The following STIM2 variants were observed in gnomAD, a reference collection of about 807,000 sequenced individuals.
STIM2 encodes stromal interaction molecule 2.
A neutral mutation model predicts 85.8 loss-of-function variants in STIM2; 31 were observed. That is an observed-to-expected ratio of 0.36 (90% CI 0.27 to 0.49). The LOEUF is 0.49. Among genes scored for constraint, STIM2 ranks in the 20% least tolerant of loss-of-function variants. STIM2 has a pLI of 0.98. For synonymous variants in STIM2, 356 were observed against 331.1 expected, an observed-to-expected ratio of 1.08 and a Z score of -0.82; for missense variants, 841 against 927.6, an observed-to-expected ratio of 0.91 and a Z score of 1.21.
intron 2 of STIM2, among the ~76,000 whole-genome samples, chr4:26,936,284 T>C (rs1725389303): frequency 1.3e-5 from 2 of 152,256 alleles, no homozygotes; most frequent in South Asian, 2.1e-4. Context: ...TGGAGTTTCT[T>C]CTCTGTCTCT....
intron 2 of STIM2, among the ~76,000 whole-genome samples, chr4:26,950,150 A>G (rs1725991625): frequency 6.6e-6 from 1 of 152,150 alleles, no homozygotes; most frequent in Non-Finnish European, 1.5e-5. Context: ...ACTTAATTAG[A>G]GCTCTAGTAT....
At position 26,877,587 on chromosome 4, in the gene STIM2, G is replaced by A. The variant is rs78824036; in HGVS notation, c.151+16218G>A. Among the ~76,000 whole-genome samples, 623 of 151,196 alleles carry A rather than the reference G, an allele frequency of 4.1e-3. 7 individuals are homozygous for A. Among genetic ancestry groups the A allele is most frequent in the African/African-American group, 0.014 (583 of 41,150 alleles). On this transcript the variant is annotated intron_variant, in intron 1 of 11. Transcript: ENST00000467087. ...TAGAAGAACCTGTGTCTAGAAATGC[G>A]TATACCTCCTCTGTCACACTGTTGG...
chr4:26,867,174 T>A (rs1274902290), intron 1 of STIM2, among the ~76,000 whole-genome samples: 1 of 152,208 alleles, frequency 6.6e-6, no homozygotes, highest in Non-Finnish European at 1.5e-5. Flanking sequence ...GGAATCTGGC[T>A]ATTTATATGA....
At chr4:27,000,915 C>T (rs1728129832) in intron 5 of STIM2, among the ~76,000 whole-genome samples, 1 of 151,796 alleles carries the variant, frequency 6.6e-6, no homozygotes, top group South Asian at 2.1e-4. Flanking sequence ...ATAGGGCTCA[C>T]AGTTGAAGGA....
intron 3 of STIM2, among the ~76,000 whole-genome samples, chr4:26,977,569 T>C (rs1438904804): frequency 6.6e-6 from 1 of 152,156 alleles, no homozygotes; most frequent in Non-Finnish European, 1.5e-5. Context: ...AGGAAATGGC[T>C]GGAAAGTCTG....
intron 2 of STIM2, among the ~76,000 whole-genome samples, chr4:26,933,551 C>G (rs1202798988): frequency 6.6e-6 from 1 of 151,588 alleles, no homozygotes; most frequent in African/African-American, 2.4e-5. Flanking sequence ...CATATTTTTC[C>G]AAACTGTTTT....
At chr4:26,918,591 T>C (rs555200804) in intron 1 of STIM2, among the ~76,000 whole-genome samples, 1 of 152,302 alleles carries the variant, frequency 6.6e-6, no homozygotes, top group Admixed American at 6.5e-5. Flanking sequence ...AGAAATGTTA[T>C]TGTAGTGACT....
At chr4:26,887,183 CTTTTTTT>C (rs34736602) in intron 1 of STIM2, among the ~76,000 whole-genome samples, 79 of 70,962 alleles carry the variant, frequency 1.1e-3, no homozygotes, top group African/African-American at 3.7e-3. Flanking sequence ...AATAATTAAA[CTTTTTTT>C]TTTTTTTTTT....
At chr4:26,905,493 A>G (rs1168512528) in intron 1 of STIM2, among the ~76,000 whole-genome samples, 2 of 152,166 alleles carry the variant, frequency 1.3e-5, no homozygotes, top group Non-Finnish European at 2.9e-5. Flanking sequence ...AGATAGAGCC[A>G]GATTTCCTGA....
chr4:26,917,468 AAT>A (rs1341315827), intron 1 of STIM2, among the ~76,000 whole-genome samples: 2 of 152,178 alleles, frequency 1.3e-5, no homozygotes, highest in Admixed American at 6.5e-5. Flanking sequence ...ATCACTAGGA[AAT>A]AGTGTTTATG....
At chr4:26,943,472 C>T (rs1725695925) in intron 2 of STIM2, among the ~76,000 whole-genome samples, 1 of 152,122 alleles carries the variant, frequency 6.6e-6, no homozygotes, top group Non-Finnish European at 1.5e-5. Context: ...CTTACTTAGG[C>T]TCGCACCTGG....
At chr4:26,937,430 G>A (rs1355732113) in intron 2 of STIM2, among the ~76,000 whole-genome samples, 1 of 152,090 alleles carries the variant, frequency 6.6e-6, no homozygotes. Context: ...CAGCATCACA[G>A]CACAGCATTG....
chr4:27,008,697 G>GC, intron 9 of STIM2, 67 bp from the exon 10 acceptor site: 2 of 1,469,036 alleles, frequency 1.4e-6, no homozygotes, highest in Non-Finnish European at 1.9e-6. Flanking sequence ...TTCATGTATT[G>GC]CCTTTTTTCA....
intron 3 of STIM2, among the ~76,000 whole-genome samples, chr4:26,979,069 T>C (rs1184984839): frequency 6.6e-6 from 1 of 152,156 alleles, no homozygotes; most frequent in Admixed American, 6.5e-5. Context: ...TTAAATCCCA[T>C]TTTGGTATTT....
chr4:27,014,684 T>G (rs1728677344), intron 10 of STIM2, among the ~76,000 whole-genome samples: 1 of 151,942 alleles, frequency 6.6e-6, no homozygotes, highest in Admixed American at 6.6e-5. Flanking sequence ...TACTATACAG[T>G]CTGTTAAATC....
chr4:27,016,876 G>C (rs1163323137), intron 10 of STIM2, among the ~76,000 whole-genome samples: 1 of 152,208 alleles, frequency 6.6e-6, no homozygotes, highest in Non-Finnish European at 1.5e-5. Context: ...TCCCTTAATA[G>C]TGTTCGCTTC....
intron 3 of STIM2, among the ~76,000 whole-genome samples, chr4:26,962,683 A>G (rs1450214247): frequency 6.6e-6 from 1 of 152,082 alleles, no homozygotes. Context: ...AAAGCCATTT[A>G]AAAACTAGTG....
At chr4:26,953,126 G>A (rs1726117764) in intron 2 of STIM2, among the ~76,000 whole-genome samples, 1 of 152,092 alleles carries the variant, frequency 6.6e-6, no homozygotes, top group African/African-American at 2.4e-5. Context: ...TACATTGTCA[G>A]TAAAGAAACT....
At chr4:26,870,515 CCCTT>C (rs771428484) in intron 1 of STIM2, among the ~76,000 whole-genome samples, 2 of 152,010 alleles carry the variant, frequency 1.3e-5, no homozygotes, top group Non-Finnish European at 2.9e-5. Context: ...AAATAAGTCT[CCCTT>C]CCCCCTTCTT....
Sources: gnomAD v4.1 joint callset for allele counts (sites outside exome capture counted in the v4.1 genomes callset) on GRCh38, gnomAD v4.1.1 for gene constraint, MANE v1.5 for transcripts, NCBI Gene and HGNC (gene_info 2026-07-23, HGNC 2026-07-21) for gene names.